The following ROBO1 variants were observed in gnomAD, a reference collection of about 807,000 sequenced individuals.
ROBO1 encodes the protein roundabout guidance receptor 1.
Under a neutral mutation model 195.9 loss-of-function variants are expected in ROBO1, and 149 were observed. The ratio of observed to expected loss-of-function variants is 0.76; its 90% CI spans 0.67 to 0.87. The LOEUF (loss-of-function observed/expected upper bound fraction) is 0.87. Ranked by LOEUF, ROBO1 falls within the 40% of genes least tolerant of loss-of-function variation. The pLI is 0.00. For missense variants in ROBO1, 1,933 were observed against 2,068.3 expected (o/e 0.93, Z 1.27); for synonymous variants, 816 against 733.2 (o/e 1.11, Z -1.82).
chr3:79,589,982 T>C (rs1314253946), intron 1 of ROBO1, 21 bp from the exon 2 acceptor site: 1 of 1,092,588 alleles, frequency 9.2e-7, no homozygotes, highest in Non-Finnish European at 1.4e-6. Context: ...TAAAAAAATA[T>C]TATTTTGTAA....
rs199752502 is a variant in ROBO1 at position 79,572,710 on chromosome 3, AG to A, written c.88+17113del. On this transcript the variant is annotated intron_variant, in intron 2 of 30. Coordinates refer to ENST00000464233, the MANE Select transcript of ROBO1 (RefSeq NM_002941.4). ...GAAGAAGTAGTAAAACAAGAGTAAA[AG>A]TTAGAAACATAGAAATTAATTTTTA... Among the ~76,000 whole-genome samples the A allele has an allele frequency of 6.4e-3, 979 of 152,324 alleles. 9 individuals carry two copies. The highest frequency in any genetic ancestry group is 0.023 in the African/African-American group (937 of 41,580).
rs115314648 is a variant in ROBO1 at position 78,813,654 on chromosome 3, T to C, written c.500-66754A>G. On this transcript the variant is annotated intron_variant, in intron 4 of 30. Coordinates refer to ENST00000464233, the MANE Select transcript of ROBO1 (RefSeq NM_002941.4). ...CTGTGCTTTCATTCTCTAGCTTACA[T>C]AGTTGGTGGATCAGAGACCTCAACG... Among the ~76,000 whole-genome samples, 1,273 of 152,212 alleles carry C rather than the reference T, an allele frequency of 8.4e-3. 12 individuals carry two copies. The highest frequency in any genetic ancestry group is 0.029 in the African/African-American group (1,209 of 41,558).
chr3:79,483,836 A>C (rs1361557154), intron 2 of ROBO1, among the ~76,000 whole-genome samples: 1 of 152,150 alleles, frequency 6.6e-6, no homozygotes, highest in Non-Finnish European at 1.5e-5. Flanking sequence ...TGGGGGAACC[A>C]AAAAGAAAGC....
intron 29 of ROBO1, among the ~76,000 whole-genome samples, chr3:78,601,768 T>C (rs1174540570): frequency 6.6e-6 from 1 of 152,182 alleles, no homozygotes; most frequent in Non-Finnish European, 1.5e-5. Flanking sequence ...CCTACATCAC[T>C]ACTATGAAAC....
intron 2 of ROBO1, among the ~76,000 whole-genome samples, chr3:79,343,410 C>G (rs142587018): frequency 8.3e-4 from 126 of 152,186 alleles, no homozygotes; most frequent in African/African-American, 2.9e-3. Context: ...AGAAACTGTT[C>G]TCTAAAGTGA....
At chr3:79,303,159 GGTTTTT>G (rs1230075130) in intron 2 of ROBO1, among the ~76,000 whole-genome samples, 2 of 72,090 alleles carry the variant, frequency 2.8e-5, no homozygotes, top group Admixed American at 3.8e-4. Flanking sequence ...ATCTCACATA[GGTTTTT>G]TTTTTTTTTT....
intron 4 of ROBO1, among the ~76,000 whole-genome samples, chr3:78,896,446 C>CT (rs2037234146): frequency 6.6e-6 from 1 of 151,800 alleles, no homozygotes; most frequent in South Asian, 2.1e-4. Context: ...ACTTTGTAAT[C>CT]TCCCCCACCC....
intron 2 of ROBO1, among the ~76,000 whole-genome samples, chr3:79,227,368 T>A (rs964000835): frequency 6.6e-6 from 1 of 152,188 alleles, no homozygotes; most frequent in Non-Finnish European, 1.5e-5. Context: ...GTTTCTTCTA[T>A]CTCCTATATT....
chr3:79,460,614 C>G (rs923615865), intron 2 of ROBO1, among the ~76,000 whole-genome samples: 1 of 152,116 alleles, frequency 6.6e-6, no homozygotes, highest in African/African-American at 2.4e-5. Flanking sequence ...TTTTCTGACC[C>G]ACCCAGAAAA....
At chr3:79,103,604 C>T (rs1468194430) in intron 3 of ROBO1, among the ~76,000 whole-genome samples, 1 of 151,744 alleles carries the variant, frequency 6.6e-6, no homozygotes, top group Non-Finnish European at 1.5e-5. Flanking sequence ...AAATAGCTAA[C>T]TCAGACTACA....
At position 78,961,385 on chromosome 3, in the gene ROBO1, T is replaced by C. The variant is rs2041339125; in HGVS notation, c.173-22458A>G. On this transcript the variant is annotated intron_variant, in intron 3 of 30. Transcript: ENST00000464233. ...TCTGACTTAGTTCTGCACAGTTAGC[T>C]GCACTGATGTGTTTAAGAATAGTAA... Among the ~76,000 whole-genome samples the C allele has an allele frequency of 2.6e-5, 4 of 152,220 alleles. 1 individual carries two copies. Among genetic ancestry groups the C allele is most frequent in the African/African-American group, 9.6e-5 (4 of 41,460 alleles).
chr3:79,754,661 A>C (rs2107492175), intron 1 of ROBO1, among the ~76,000 whole-genome samples: 1 of 152,294 alleles, frequency 6.6e-6, no homozygotes, highest in South Asian at 2.1e-4. Flanking sequence ...ATGAAATATA[A>C]AGTGCCTGGA....
chr3:79,381,101 G>A (rs1440535936), intron 2 of ROBO1, among the ~76,000 whole-genome samples: 11 of 152,096 alleles, frequency 7.2e-5, no homozygotes, highest in South Asian at 4.1e-4. Context: ...GCTCACGCCC[G>A]TAATCCCAGC....
chr3:79,701,739 G>A (rs1408178298), intron 1 of ROBO1, among the ~76,000 whole-genome samples: 2 of 151,582 alleles, frequency 1.3e-5, no homozygotes, highest in Non-Finnish European at 2.9e-5. Flanking sequence ...CAAGTGAGAT[G>A]TACATGTAAC....
chr3:79,447,807 G>T (rs1224296533), intron 2 of ROBO1, among the ~76,000 whole-genome samples: 1 of 151,628 alleles, frequency 6.6e-6, no homozygotes, highest in Non-Finnish European at 1.5e-5. Context: ...TGAATTAGAA[G>T]AGACATCGCC....
chr3:78,890,076 T>C (rs562136469), intron 4 of ROBO1, among the ~76,000 whole-genome samples: 2 of 152,156 alleles, frequency 1.3e-5, no homozygotes, highest in Admixed American at 6.5e-5. Flanking sequence ...ACATGGCATA[T>C]ATTTTGCTTA....
At chr3:78,735,808 T>G (rs560025839) in intron 5 of ROBO1, among the ~76,000 whole-genome samples, 5 of 152,294 alleles carry the variant, frequency 3.3e-5, no homozygotes, top group Admixed American at 2.0e-4. Context: ...TTAAGTGTCA[T>G]TTTAGATGGG....
chr3:79,714,198 G>C (rs1055954613), intron 1 of ROBO1, among the ~76,000 whole-genome samples: 1 of 152,064 alleles, frequency 6.6e-6, no homozygotes, highest in Non-Finnish European at 1.5e-5. Context: ...GATATGAACA[G>C]ACACTTCTCA....
intron 3 of ROBO1, among the ~76,000 whole-genome samples, chr3:78,965,171 A>G (rs968681440): frequency 2.6e-5 from 4 of 152,056 alleles, no homozygotes; most frequent in Non-Finnish European, 5.9e-5. Flanking sequence ...ATCAATAATT[A>G]TAATATATAC....
Sources: gnomAD v4.1 joint callset for allele counts (sites outside exome capture counted in the v4.1 genomes callset) on GRCh38, gnomAD v4.1.1 for gene constraint, MANE v1.5 for transcripts, NCBI Gene and HGNC (gene_info 2026-07-23, HGNC 2026-07-21) for gene names.